The following KLF8 variants were observed in gnomAD, a reference collection of about 807,000 sequenced individuals.
The protein encoded by KLF8 is Krueppel-like factor 8.
In KLF8, 10 loss-of-function variants were observed where a neutral mutation model predicts 18.2. That is an observed-to-expected ratio of 0.55 (90% confidence interval 0.34 to 0.93). The LOEUF is 0.93. Among genes scored for constraint, KLF8 ranks in the 40% least tolerant of loss-of-function variants. The pLI is 0.02. For synonymous variants in KLF8, 109 were observed against 97.3 expected, an observed-to-expected ratio of 1.12 and a Z score of -0.71; for missense variants, 264 against 277.9, an observed-to-expected ratio of 0.95 and a Z score of 0.36.
At chrX:56,074,800 T>A in the KLF8 span, 1 of 115,081 alleles carries the variant, frequency 8.7e-6, no homozygotes, top group Non-Finnish European at 1.8e-5. Flanking sequence ...ACTTGAGGGT[T>A]AGCTTATCCA....
At chrX:56,265,968 G>A (rs1239151091) in intron 3 of KLF8, 1 of 932,032 alleles carries the variant, frequency 1.1e-6, no homozygotes, top group East Asian at 4.0e-5. Flanking sequence ...ATATCTATCA[G>A]TGACATATCA....
chrX:56,199,117 A>G, the KLF8 span, among the ~76,000 whole-genome samples: 2 of 112,294 alleles, frequency 1.8e-5, no homozygotes, highest in Non-Finnish European at 1.9e-5. Context: ...TAAATGTTAG[A>G]CCTAAAACCA....
chrX:56,174,502 A>G, the KLF8 span, among the ~76,000 whole-genome samples: 1 of 111,767 alleles, frequency 8.9e-6, no homozygotes, highest in African/African-American at 3.3e-5. Flanking sequence ...GTTTGCCAGT[A>G]TTTTATTTAG....
intron 1 of KLF8, among the ~76,000 whole-genome samples, chrX:56,247,844 TAGA>T (rs762602287): frequency 1.9e-4 from 21 of 111,352 alleles, no homozygotes; most frequent in Admixed American, 1.3e-3. Context: ...TTTTAGTAAG[TAGA>T]AGGAGTACAC....
At chrX:56,084,863 C>A in the KLF8 span, among the ~76,000 whole-genome samples, 2 of 111,578 alleles carry the variant, frequency 1.8e-5, no homozygotes, top group African/African-American at 6.5e-5. Flanking sequence ...TGAGAAGTCC[C>A]CATGAGAATT....
At chrX:56,134,766 A>G in the KLF8 span, among the ~76,000 whole-genome samples, 1 of 111,205 alleles carries the variant, frequency 9.0e-6, no homozygotes, top group East Asian at 2.8e-4. Flanking sequence ...TGACAAGACT[A>G]ATATCCAGAA....
chrX:56,087,735 T>C, the KLF8 span, among the ~76,000 whole-genome samples: 4 of 112,273 alleles, frequency 3.6e-5, no homozygotes, highest in Non-Finnish European at 5.6e-5. Context: ...TGAACAGTTA[T>C]TTTTCATTAG....
chrX:55,958,783 A>C, the KLF8 span, among the ~76,000 whole-genome samples: 2 of 112,358 alleles, frequency 1.8e-5, no homozygotes, highest in African/African-American at 6.5e-5. Flanking sequence ...GTTCTTGTCA[A>C]CTCTAAGAAA....
At chrX:56,147,555 A>G in the KLF8 span, among the ~76,000 whole-genome samples, 2 of 112,865 alleles carry the variant, frequency 1.8e-5, 1 homozygote, top group South Asian at 7.3e-4. Context: ...TATATGAAAT[A>G]TCAAGAACAG....
At chrX:56,154,276 A>T in the KLF8 span, among the ~76,000 whole-genome samples, 1 of 111,620 alleles carries the variant, frequency 9.0e-6, no homozygotes, top group African/African-American at 3.3e-5. Flanking sequence ...ATGGAACAGA[A>T]CAGAGCCCTC....
chrX:56,188,628 T>G, the KLF8 span, among the ~76,000 whole-genome samples: 31 of 111,682 alleles, frequency 2.8e-4, no homozygotes, highest in African/African-American at 7.8e-4. Flanking sequence ...TATACTACAA[T>G]GCTACAGTAA....
the KLF8 span, among the ~76,000 whole-genome samples, chrX:56,017,070 A>G: frequency 4.5e-5 from 5 of 112,283 alleles, no homozygotes; most frequent in African/African-American, 6.5e-5. Flanking sequence ...TTTCTATTAT[A>G]GAAAATACTA....
chrX:56,013,214 G>T, the KLF8 span, among the ~76,000 whole-genome samples: 1 of 112,783 alleles, frequency 8.9e-6, no homozygotes, highest in East Asian at 2.8e-4. Context: ...TTTAATGACT[G>T]CCCTATTGGA....
At chrX:56,151,483 G>C in the KLF8 span, among the ~76,000 whole-genome samples, 2 of 111,339 alleles carry the variant, frequency 1.8e-5, no homozygotes, top group Admixed American at 1.9e-4. Context: ...GACAGCACTT[G>C]GTGATAGATT....
the KLF8 span, among the ~76,000 whole-genome samples, chrX:56,034,760 T>TC: frequency 3.7e-5 from 3 of 81,980 alleles, no homozygotes; most frequent in Non-Finnish European, 7.2e-5. Context: ...TTTTTTTTTT[T>TC]TTTTTTTTTT....
the KLF8 span, among the ~76,000 whole-genome samples, chrX:56,179,346 C>G: frequency 6.2e-5 from 7 of 112,216 alleles, no homozygotes; most frequent in Non-Finnish European, 9.4e-5. Flanking sequence ...GATTTTGTAT[C>G]CTGAGACTTT....
At chrX:56,003,287 A>G in the KLF8 span, among the ~76,000 whole-genome samples, 6 of 110,726 alleles carry the variant, frequency 5.4e-5, no homozygotes, top group African/African-American at 1.6e-4. Flanking sequence ...GTGTGATCCT[A>G]TAGTCCCAGC....
the KLF8 span, among the ~76,000 whole-genome samples, chrX:56,008,082 T>C: frequency 9.1e-5 from 10 of 110,187 alleles, no homozygotes; most frequent in South Asian, 3.9e-4. Context: ...ATAACTAATA[T>C]GTTATGCAAA....
At chrX:56,281,686 G>A (rs1042794971) in intron 5 of KLF8, among the ~76,000 whole-genome samples, 4 of 112,190 alleles carry the variant, frequency 3.6e-5, no homozygotes, top group African/African-American at 1.3e-4. Context: ...TGGGATTACA[G>A]GCATGAGCCA....
Sources: allele counts gnomAD v4.1 joint callset (sites outside exome capture counted in the v4.1 genomes callset), GRCh38; gene constraint gnomAD v4.1.1; transcripts MANE v1.5; gene names NCBI Gene and HGNC (gene_info 2026-07-23, HGNC 2026-07-21).